The following OPCML variants were observed in gnomAD, a reference collection of about 807,000 sequenced individuals.
OPCML encodes opioid-binding protein/cell adhesion molecule.
In OPCML, 13 loss-of-function variants were observed where a neutral mutation model predicts 37.8. The ratio of observed to expected loss-of-function variants is 0.34; its 90% confidence interval spans 0.22 to 0.55. The LOEUF is 0.55. Ranked by LOEUF, OPCML falls within the 20% of genes least tolerant of loss-of-function variation. OPCML has a pLI of 0.91. For missense variants in OPCML, 341 were observed against 435.6 expected, an observed-to-expected ratio of 0.78 and a Z score of 1.93; for synonymous variants, 176 against 168.8, an observed-to-expected ratio of 1.04 and a Z score of -0.33.
At chr11:132,987,805 C>G (rs1385051629) in intron 1 of OPCML, among the ~76,000 whole-genome samples, 2 of 152,164 alleles carry the variant, frequency 1.3e-5, no homozygotes, top group Non-Finnish European at 2.9e-5. Flanking sequence ...CCAAGGCCTC[C>G]CTTCACCCTG....
chr11:133,435,036 T>C (rs1946205039), intron 1 of OPCML, among the ~76,000 whole-genome samples: 1 of 151,926 alleles, frequency 6.6e-6, no homozygotes, highest in African/African-American at 2.4e-5. Flanking sequence ...ATTGTTCAAG[T>C]GAGAGATAGC....
chr11:133,266,180 A>G (rs546738060), intron 1 of OPCML, among the ~76,000 whole-genome samples: 17 of 152,308 alleles, frequency 1.1e-4, no homozygotes, highest in Non-Finnish European at 2.1e-4. Context: ...TTATGCAAGA[A>G]CCAGGACTTA....
chr11:133,406,872 G>T (rs955188765), intron 1 of OPCML, among the ~76,000 whole-genome samples: 1 of 152,172 alleles, frequency 6.6e-6, no homozygotes, highest in Admixed American at 6.5e-5. Flanking sequence ...AACCTTAATC[G>T]CAATTACAGA....
intron 1 of OPCML, among the ~76,000 whole-genome samples, chr11:133,117,564 G>A (rs186013917): frequency 6.6e-6 from 1 of 152,122 alleles, no homozygotes; most frequent in East Asian, 1.9e-4. Context: ...GTAGTTTTTC[G>A]ATGTTATGCT....
intron 2 of OPCML, among the ~76,000 whole-genome samples, chr11:132,749,528 C>T (rs1283481553): frequency 6.6e-6 from 1 of 152,104 alleles, no homozygotes; most frequent in Non-Finnish European, 1.5e-5. Context: ...GACATTCAAA[C>T]AGAGATGTCA....
At chr11:132,474,648 C>T (rs2096149047) in intron 4 of OPCML, among the ~76,000 whole-genome samples, 1 of 152,168 alleles carries the variant, frequency 6.6e-6, no homozygotes, top group African/African-American at 2.4e-5. Flanking sequence ...CGGAAAACTT[C>T]TAGCCTCCCT....
At chr11:132,427,382 G>T (rs1040758873) in intron 7 of OPCML, among the ~76,000 whole-genome samples, 1 of 152,194 alleles carries the variant, frequency 6.6e-6, no homozygotes, top group Non-Finnish European at 1.5e-5. Context: ...TGTTACACTT[G>T]TTGGTGAAAC....
At chr11:133,450,395 C>T (rs1338309013) in intron 1 of OPCML, among the ~76,000 whole-genome samples, 2 of 151,186 alleles carry the variant, frequency 1.3e-5, no homozygotes, top group Admixed American at 6.6e-5. Context: ...GGTACAAATC[C>T]ATTTTTTTTT....
chr11:132,944,627 A>G (rs1945702881), intron 1 of OPCML, among the ~76,000 whole-genome samples: 1 of 152,236 alleles, frequency 6.6e-6, no homozygotes, highest in African/African-American at 2.4e-5. Context: ...AAAAAGTAGT[A>G]GGACTGATCC....
intron 1 of OPCML, among the ~76,000 whole-genome samples, chr11:133,458,259 CGT>C (rs1370171549): frequency 5.3e-5 from 4 of 74,848 alleles, no homozygotes; most frequent in East Asian, 4.0e-4. Context: ...TATATATACA[CGT>C]GTGTGTATAT....
chr11:132,862,654 TG>T (rs1325755419), intron 2 of OPCML, among the ~76,000 whole-genome samples: 1 of 152,084 alleles, frequency 6.6e-6, no homozygotes, highest in Admixed American at 6.5e-5. Flanking sequence ...GATGGTGGGC[TG>T]GGGAGATATT....
chr11:133,178,406 T>C (rs1937653242), intron 1 of OPCML, among the ~76,000 whole-genome samples: 1 of 152,136 alleles, frequency 6.6e-6, no homozygotes, highest in African/African-American at 2.4e-5. Flanking sequence ...TCTGGGACCT[T>C]CTGCGATCTG....
chr11:132,753,906 T>A (rs1253054522), intron 2 of OPCML, among the ~76,000 whole-genome samples: 2 of 152,216 alleles, frequency 1.3e-5, no homozygotes, highest in Non-Finnish European at 2.9e-5. Flanking sequence ...TCTGTTACCA[T>A]CATGCACATC....
At chr11:132,657,373 G>C in intron 2 of OPCML, 54 bp from the exon 3 acceptor site, 2 of 1,591,542 alleles carry the variant, frequency 1.3e-6, no homozygotes, top group Non-Finnish European at 1.7e-6. Flanking sequence ...AGAGAGAGTG[G>C]AGAGATTATA....
At chr11:132,808,885 C>A (rs559759635) in intron 2 of OPCML, among the ~76,000 whole-genome samples, 1 of 152,170 alleles carries the variant, frequency 6.6e-6, no homozygotes, top group East Asian at 1.9e-4. Flanking sequence ...TGGTGCTGAG[C>A]TGCTGAAAGC....
intron 1 of OPCML, among the ~76,000 whole-genome samples, chr11:133,201,971 T>C (rs1480827981): frequency 6.6e-6 from 1 of 152,194 alleles, no homozygotes; most frequent in Non-Finnish European, 1.5e-5. Flanking sequence ...GCTGAGAAAT[T>C]AGCTGTCACC....
intron 1 of OPCML, among the ~76,000 whole-genome samples, chr11:133,409,038 C>A (rs2136861295): frequency 6.6e-6 from 1 of 152,304 alleles, no homozygotes; most frequent in Non-Finnish European, 1.5e-5. Context: ...AAGACAGAAG[C>A]AGTCCCTCGT....
intron 1 of OPCML, among the ~76,000 whole-genome samples, chr11:133,186,329 A>G (rs575978970): frequency 1.3e-5 from 2 of 152,230 alleles, no homozygotes; most frequent in South Asian, 2.1e-4. Flanking sequence ...CACATAACTC[A>G]TTTACTTTTT....
At chr11:132,744,955 G>A (rs79356580) in intron 2 of OPCML, among the ~76,000 whole-genome samples, 1 of 151,792 alleles carries the variant, frequency 6.6e-6, no homozygotes, top group Non-Finnish European at 1.5e-5. Flanking sequence ...TCAAGGAAGT[G>A]AACGAGCTCC....
Sources: gnomAD v4.1 joint callset for allele counts (sites outside exome capture counted in the v4.1 genomes callset) on GRCh38, gnomAD v4.1.1 for gene constraint, MANE v1.5 for transcripts, NCBI Gene and HGNC (gene_info 2026-07-23, HGNC 2026-07-21) for gene names.